SPATA13: variants seen among roughly 807,000 people sequenced by gnomAD.
SPATA13 encodes spermatogenesis-associated protein 13.
SPATA13 carries 50 observed loss-of-function variants against 104.0 expected under a neutral mutation model. That is an observed-to-expected ratio of 0.48 (90% confidence interval 0.38 to 0.61). The LOEUF is 0.61. SPATA13 is among the 20% of genes least tolerant of loss of function. The pLI, the probability that SPATA13 is intolerant of heterozygous loss-of-function variation, is 0.00. For synonymous variants in SPATA13, 606 were observed against 667.5 expected (o/e 0.91, Z 1.42); for missense variants, 1,524 against 1,690.6 (o/e 0.90, Z 1.73).
intron 3 of SPATA13, among the ~76,000 whole-genome samples, chr13:24,135,793 G>A (rs1246281662): frequency 6.6e-6 from 1 of 152,090 alleles, no homozygotes; most frequent in East Asian, 1.9e-4. Context: ...GCTGGGTGAG[G>A]GGAACTGTAA....
intron 9 of SPATA13, among the ~76,000 whole-genome samples, chr13:24,291,295 C>T (rs534985890): frequency 6.6e-6 from 1 of 152,352 alleles, no homozygotes; most frequent in East Asian, 1.9e-4. Flanking sequence ...GGTTGACGTA[C>T]AGCAGCTCGG....
intron 2 of SPATA13, among the ~76,000 whole-genome samples, chr13:24,245,786 A>G (rs1873100475): frequency 6.6e-6 from 1 of 151,200 alleles, no homozygotes; most frequent in Non-Finnish European, 1.5e-5. Context: ...ATGAAGTTTC[A>G]CTGTGTTGCC....
intron 1 of SPATA13, among the ~76,000 whole-genome samples, chr13:24,178,427 ATTATC>A (rs1868572873): frequency 6.6e-6 from 1 of 152,118 alleles, no homozygotes; most frequent in South Asian, 2.1e-4. Context: ...TTTTTTGACC[ATTATC>A]TTATGACATC....
intron 3 of SPATA13, chr13:24,017,778 T>C: frequency 2.2e-5 from 19 of 849,006 alleles, no homozygotes; most frequent in Non-Finnish European, 2.6e-5. Flanking sequence ...CATTTGCAGA[T>C]TGTATAATCT....
At chr13:24,274,097 A>G (rs1045102904) in intron 4 of SPATA13, among the ~76,000 whole-genome samples, 3 of 152,182 alleles carry the variant, frequency 2.0e-5, no homozygotes, top group South Asian at 2.1e-4. Context: ...ATTTTGTCCT[A>G]TTCGTTGGAA....
intron 4 of SPATA13, among the ~76,000 whole-genome samples, chr13:24,267,933 ATGT>A (rs1386303001): frequency 9.2e-5 from 14 of 152,216 alleles, no homozygotes; most frequent in Non-Finnish European, 2.1e-4. Flanking sequence ...ATAACCTGGG[ATGT>A]TGTTAAAATG....
intron 3 of SPATA13, among the ~76,000 whole-genome samples, chr13:24,091,681 T>C (rs900456983): frequency 6.6e-6 from 1 of 152,138 alleles, no homozygotes; most frequent in African/African-American, 2.4e-5. Flanking sequence ...CGTGGTGGTG[T>C]GCACCTGTAA....
intron 2 of SPATA13, among the ~76,000 whole-genome samples, chr13:24,241,517 G>A (rs1872830638): frequency 1.3e-5 from 2 of 152,246 alleles, no homozygotes; most frequent in African/African-American, 4.8e-5. Flanking sequence ...ACTTTGCATG[G>A]GTAACGGGCT....
chr13:24,164,912 G>A (rs749452078), intron 1 of SPATA13, among the ~76,000 whole-genome samples: 8 of 152,196 alleles, frequency 5.3e-5, no homozygotes, highest in Non-Finnish European at 1.0e-4. Context: ...CAGCCGTCGC[G>A]CTAACTTCGG....
chr13:24,149,945 G>A (rs530941082), intron 3 of SPATA13, among the ~76,000 whole-genome samples: 2 of 152,206 alleles, frequency 1.3e-5, no homozygotes, highest in East Asian at 1.9e-4. Flanking sequence ...AGGGGCTGTC[G>A]GGGAGGGAGA....
At position 24,161,460 on chromosome 13, in the gene SPATA13, G is replaced by T. The variant is rs537930186; in HGVS notation, c.-112+528G>T. On this transcript the variant is annotated intron_variant, in intron 1 of 12. Coordinates refer to ENST00000382108, the MANE Select transcript of SPATA13 (RefSeq NM_001166271.3). This position sits in a 1 kb window ranked among gnomAD's most constrained non-coding sequence, Gnocchi z 4.5. ...GGTACCAGCGGAGTCTCGTCCCAGG[G>T]GAAAGATTTTGGGACCCGGTGCCCA... is the stretch of plus-strand genomic sequence containing the variant. Among the ~76,000 whole-genome samples, 1 of 152,334 alleles carries T rather than the reference G, an allele frequency of 6.6e-6. No homozygotes were observed. Among genetic ancestry groups the T allele is most frequent in the Admixed American group, 6.5e-5 (1 of 15,302 alleles).
chr13:24,051,728 T>TCCCCTAAAGCTTCCCCCC lies in SPATA13; in HGVS notation c.-112+34027_-112+34028insCCCCTAAAGCTTCCCCCC, dbSNP rs1203599806. 6.6e-6 allele frequency among the ~76,000 whole-genome samples: 1 copy of TCCCCTAAAGCTTCCCCCC among 150,684 alleles called. No individual in the cohort carries two copies. The highest frequency in any genetic ancestry group is 2.5e-5 in the African/African-American group (1 of 40,734). ...AGGCGAATCTTCAGAGGTGGGAGCTTTAGGGGGGAAGTGGTAGCGATTGGA... is the reference window on the plus strand; with the variant it reads ...AGGCGAATCTTCAGAGGTGGGAGCTTCCCCTAAAGCTTCCCCCCTAGGGGGGAAGTGGTAGCGATTGGA... On this transcript the variant is annotated intron_variant, in intron 3 of 14. Transcript: ENST00000424834. This position sits in a 1 kb window ranked among gnomAD's most constrained non-coding sequence, Gnocchi z 4.2.
At chr13:24,235,756 T>G (rs1328070500) in intron 2 of SPATA13, among the ~76,000 whole-genome samples, 2 of 152,192 alleles carry the variant, frequency 1.3e-5, no homozygotes, top group African/African-American at 2.4e-5. Flanking sequence ...AACCCTGTCT[T>G]AAATAAAATA....
intron 3 of SPATA13, among the ~76,000 whole-genome samples, chr13:24,100,329 G>T (rs1447287604): frequency 1.3e-5 from 2 of 152,176 alleles, no homozygotes; most frequent in East Asian, 1.9e-4. Context: ...CTCTCTAGAG[G>T]AGGAGGAAAT....
At chr13:24,042,496 C>G (rs1877970889) in intron 3 of SPATA13, among the ~76,000 whole-genome samples, 1 of 152,206 alleles carries the variant, frequency 6.6e-6, no homozygotes, top group Non-Finnish European at 1.5e-5. Context: ...TCACGAGTCA[C>G]TGAGATCAGA....
At chr13:24,059,773 A>AAGATCATGTCGTCTGCATACAGAGACC (rs1878713375) in intron 3 of SPATA13, among the ~76,000 whole-genome samples, 1 of 152,178 alleles carries the variant, frequency 6.6e-6, no homozygotes, top group Non-Finnish European at 1.5e-5. Flanking sequence ...TTTCCTGGAT[A>AAGATCATGTCGTCTGCATACAGAGACC]AGATCATGTC....
intron 2 of SPATA13, among the ~76,000 whole-genome samples, chr13:24,242,337 A>C (rs1872887511): frequency 6.6e-6 from 1 of 152,190 alleles, no homozygotes; most frequent in Admixed American, 6.5e-5. Flanking sequence ...TAGCCCAGAG[A>C]AATACATAGA....
At chr13:24,120,009 C>A (rs1880983649) in intron 3 of SPATA13, among the ~76,000 whole-genome samples, 1 of 152,176 alleles carries the variant, frequency 6.6e-6, no homozygotes, top group African/African-American at 2.4e-5. Flanking sequence ...CCCACCCCCA[C>A]AGAGTGACAA....
chr13:24,253,631 C>T (rs1191071530), intron 4 of SPATA13, among the ~76,000 whole-genome samples: 1 of 152,182 alleles, frequency 6.6e-6, no homozygotes, highest in Non-Finnish European at 1.5e-5. Flanking sequence ...CACCAAGGCA[C>T]CAGTGACGGC....
Sources: allele counts gnomAD v4.1 joint callset (sites outside exome capture counted in the v4.1 genomes callset), GRCh38; gene constraint gnomAD v4.1.1; non-coding constraint Gnocchi (gnomAD v3.1); transcripts MANE v1.5; gene names NCBI Gene and HGNC (gene_info 2026-07-23, HGNC 2026-07-21).